NCKIPSD: variants seen among roughly 807,000 people sequenced by gnomAD.
NCKIPSD encodes NCK interacting protein with SH3 domain.
A neutral mutation model predicts 73.4 loss-of-function variants in NCKIPSD; 48 were observed. That is an observed-to-expected ratio of 0.65 (90% CI 0.52 to 0.83). NCKIPSD has a LOEUF of 0.83. Ranked by LOEUF, NCKIPSD falls within the 40% of genes least tolerant of loss-of-function variation. The pLI, the probability that NCKIPSD is intolerant of heterozygous loss-of-function variation, is 0.00. For synonymous variants in NCKIPSD, 422 were observed against 403.6 expected (o/e 1.05, Z -0.54); for missense variants, 884 against 970.2 (o/e 0.91, Z 1.18).
Position 48,682,329 on chromosome 3 carries a change from C to G in NCKIPSD, c.486+19G>C. ...AAGTTCCACCCACCTCCCTTCTCCA[C>G]GATGTCCTCCCCACACACCTGGTAG... On this transcript the variant is annotated intron_variant, in intron 3 of 12. Coordinates refer to ENST00000294129, the MANE Select transcript of NCKIPSD (RefSeq NM_016453.4). The G allele has an allele frequency of 6.2e-7, 1 of 1,612,648 alleles. No individual in the cohort carries two copies. Among genetic ancestry groups the G allele is most frequent in the Non-Finnish European group, 8.5e-7 (1 of 1,178,950 alleles).
At position 48,681,306 on chromosome 3, in the gene NCKIPSD, A is replaced by G; in HGVS notation, c.1073T>C (p.Leu358Pro). The G allele has an allele frequency of 6.2e-7, 1 of 1,607,178 alleles. No individual in the cohort carries two copies. The highest frequency in any genetic ancestry group is 8.5e-7 in the Non-Finnish European group (1 of 1,178,386). ...ASSPVMEQVL[L>P]SLVEGKDLSM... ...CCTCACCTTGCCCTCTACGAGTGAG[A>G]GGAGGACCTGCTCCATGACTGGTGA... is the stretch of plus-strand genomic sequence containing the variant. The change falls in exon 5 of 13, where the codon CTC becomes CCC. Residue 358 changes from leucine (L) to proline (P), a missense_variant. Transcript: ENST00000294129.
In NCKIPSD at chr3:48,680,156, A is replaced by G. The variant is rs1327640293; in HGVS notation, c.1166T>C (p.Leu389Pro). The change falls in exon 6 of 13, where the codon CTG becomes CCG. Residue 389 changes from leucine (L) to proline (P), a missense_variant. Transcript: ENST00000294129. ...QQRLEVIFAD[L>P]ARRKDDAQQR... ...CTGGGCGTCGTCCTTCCGGCGAGCC[A>G]GGTCTGCAAAGATCACCTCCAGCCT... 1.2e-6 allele frequency: 2 copies of G among 1,613,850 alleles called. No homozygotes were observed. Among genetic ancestry groups the G allele is most frequent in the Non-Finnish European group, 1.7e-6 (2 of 1,180,018 alleles).
In NCKIPSD at chr3:48,681,418, G is replaced by A. The variant is rs145845468; in HGVS notation, c.961C>T (p.Arg321Trp). Residue 321 changes from arginine (R) to tryptophan (W), a missense_variant, in exon 5 of 13, where the codon CGG (arginine) becomes TGG (tryptophan). Physicochemically the swap from Arg to Trp is moderately radical, Grantham distance 101. Transcript: ENST00000294129. Reference protein sequence around the residue: ...TIGAELMELVRRNTGLSHELC... With the variant: ...TIGAELMELVWRNTGLSHELC... ...TCGTGGCTCAGGCCAGTGTTTCTCC[G>A]CACCAGCTCCATCAGCTCGGCCCCA... 1.9e-6 allele frequency: 3 copies of A among 1,613,698 alleles called. No homozygotes were observed. Among genetic ancestry groups the A allele is most frequent in the Middle Eastern group, 1.7e-4 (1 of 6,056 alleles).
Position 48,683,021 on chromosome 3 carries a change from G to T in NCKIPSD, c.172-9C>A, listed in dbSNP as rs2077381464. ...ACATCCTGCTCCAGGCCCTGGGGGG[G>T]GCAGGGGACAGCAGTTAGACCTGAA... is the stretch of plus-strand genomic sequence containing the variant. On this transcript the variant is annotated splice_polypyrimidine_tract_variant and intron_variant, in intron 1 of 12. Coordinates refer to ENST00000294129, the MANE Select transcript of NCKIPSD (RefSeq NM_016453.4). 23 of 1,549,518 alleles carry T rather than the reference G, an allele frequency of 1.5e-5. No homozygotes were observed. Among genetic ancestry groups the T allele is most frequent in the Non-Finnish European group, 2.0e-5 (23 of 1,146,960 alleles).
chr3:48,675,313 G>T (rs1048551788), intron 12 of NCKIPSD, among the ~76,000 whole-genome samples: 1 of 151,636 alleles, frequency 6.6e-6, no homozygotes, highest in East Asian at 1.9e-4. Context: ...CGATTCAAAA[G>T]CACAGGCCTG....
rs1468985845 is a variant in NCKIPSD at position 48,679,618 on chromosome 3, C to T, written c.1446G>A (p.Val482=). Residue 482 remains valine (V), a synonymous_variant, in exon 8 of 13, where the codon GTG becomes GTA. Coordinates refer to ENST00000294129, the MANE Select transcript of NCKIPSD (RefSeq NM_016453.4). ...AAIISTLVSS[V]LPVELARDMQ... is the part of the protein sequence containing the mutation. ...TGTCCCTCGCCAGCTCTACAGGCAG[C>T]ACGGATGACACAAGCGTGGAGATGA... 21 of 1,614,094 alleles carry T rather than the reference C, an allele frequency of 1.3e-5. No individual in the cohort carries two copies. The Admixed American group carries it at 3.5e-4, about 27-fold the overall frequency.
intron 12 of NCKIPSD, among the ~76,000 whole-genome samples, chr3:48,678,022 G>A (rs1363853702): frequency 6.6e-6 from 1 of 151,982 alleles, no homozygotes; most frequent in Non-Finnish European, 1.5e-5. Context: ...AGTTCTCCCA[G>A]CCTCCCCAAC....
At chr3:48,679,331 C>T (rs1456480970) in intron 9 of NCKIPSD, 46 bp downstream of exon 9, 2 of 1,613,376 alleles carry the variant, frequency 1.2e-6, no homozygotes, top group Non-Finnish European at 8.5e-7. Flanking sequence ...GGCAATGGGC[C>T]CTGGCTTAGG....
intron 12 of NCKIPSD, 98 bp downstream of exon 12, chr3:48,678,466 T>C: frequency 7.0e-7 from 1 of 1,418,962 alleles, no homozygotes; most frequent in East Asian, 2.5e-5. Flanking sequence ...GCTCCAGCAG[T>C]GGCCTTGCCC....
chr3:48,684,455 CT>C (rs1305626955), intron 1 of NCKIPSD, among the ~76,000 whole-genome samples: 1 of 152,246 alleles, frequency 6.6e-6, no homozygotes, highest in East Asian at 1.9e-4. Flanking sequence ...ACTCCCACCC[CT>C]GGCACTCCTA....
In NCKIPSD at chr3:48,685,867, C is replaced by T. The variant is rs1292602633; in HGVS notation, c.-60G>A. 1 of 1,339,748 alleles carries T rather than the reference C, an allele frequency of 7.5e-7. No homozygotes were observed. The highest frequency in any genetic ancestry group is 9.5e-7 in the Non-Finnish European group (1 of 1,047,500). 83.0% of individuals were successfully genotyped at this position (1,339,748 alleles called of 1,614,324 possible). Reference sequence around the variant, plus strand: ...AGGGCTGCGGCGCCACAACGCCAGGCCGGGAGCGCCGAGCCGCGCCGCGGT... The same window carrying T: ...AGGGCTGCGGCGCCACAACGCCAGGTCGGGAGCGCCGAGCCGCGCCGCGGT... On this transcript the variant is annotated 5_prime_UTR_variant, in exon 1 of 13. Coordinates refer to ENST00000294129, the MANE Select transcript of NCKIPSD (RefSeq NM_016453.4).
At chr3:48,677,571 A>C (rs2077274711) in intron 12 of NCKIPSD, among the ~76,000 whole-genome samples, 1 of 151,870 alleles carries the variant, frequency 6.6e-6, no homozygotes, top group African/African-American at 2.4e-5. Context: ...AGCTCTCTCA[A>C]ACTTTCATTC....
intron 5 of NCKIPSD, 64 bp from the exon 6 acceptor site, chr3:48,680,293 C>A (rs951338000): frequency 1.1e-5 from 17 of 1,489,452 alleles, no homozygotes; most frequent in Middle Eastern, 2.4e-4. Flanking sequence ...CAGGGAGCCT[C>A]CAAGGCCTGG....
chr3:48,680,099 C>A lies in NCKIPSD; in HGVS notation c.1223G>T (p.Gly408Val), dbSNP rs763991025. The change falls in exon 6 of 13, where the codon GGT (glycine) becomes GTT (valine). Residue 408 changes from glycine (G) to valine (V), a missense_variant. By Grantham distance (109) the Gly-to-Val change is moderately radical. Transcript: ENST00000294129. ...QRSWALYEDEGVIRCYLEELL... is the reference protein window; with the variant it reads ...QRSWALYEDEVVIRCYLEELL... Reference sequence around the variant, plus strand: ...CTCCTCTAGGTAGCAGCGGATGACACCCTCATCCTCATATAGTGCCCAACT... The same window carrying A: ...CTCCTCTAGGTAGCAGCGGATGACAACCTCATCCTCATATAGTGCCCAACT... The A allele has an allele frequency of 6.2e-7, 1 of 1,613,942 alleles. No individual in the cohort carries two copies. The highest frequency in any genetic ancestry group is 8.5e-7 in the Non-Finnish European group (1 of 1,179,904).
intron 1 of NCKIPSD, among the ~76,000 whole-genome samples, chr3:48,683,332 A>G (rs536619509): frequency 6.6e-6 from 1 of 152,314 alleles, no homozygotes; most frequent in South Asian, 2.1e-4. Context: ...AGGGGCTCCC[A>G]GCTTGCAGCC....
chr3:48,682,734 G>T, intron 2 of NCKIPSD, 169 bp downstream of exon 2: 1 of 1,146,708 alleles, frequency 8.7e-7, no homozygotes, highest in Non-Finnish European at 1.2e-6. Flanking sequence ...CACACCCCTG[G>T]TGCTCACTGA....
At chr3:48,681,199 AATACCT>A (rs1350156711) in intron 5 of NCKIPSD, 82 bp downstream of exon 5, 2 of 1,482,204 alleles carry the variant, frequency 1.3e-6, no homozygotes, top group African/African-American at 2.8e-5. Flanking sequence ...GAGCTTGAGA[AATACCT>A]GTAATGTACA....
At chr3:48,675,370 C>G (rs2077234765) in intron 12 of NCKIPSD, among the ~76,000 whole-genome samples, 1 of 151,520 alleles carries the variant, frequency 6.6e-6, no homozygotes, top group South Asian at 2.1e-4. Flanking sequence ...ACCTCATATC[C>G]AAGCCATGTC....
chr3:48,682,861 A>G (rs776867506), intron 2 of NCKIPSD, 42 bp downstream of exon 2: 9 of 1,527,474 alleles, frequency 5.9e-6, no homozygotes, highest in African/African-American at 2.8e-5. Flanking sequence ...CCACCCCACC[A>G]TGCTCACCGG....
Sources: allele counts gnomAD v4.1 joint callset (sites outside exome capture counted in the v4.1 genomes callset), GRCh38; gene constraint gnomAD v4.1.1; transcripts MANE v1.5; gene names NCBI Gene and HGNC (gene_info 2026-07-23, HGNC 2026-07-21).